Variants in STPG2 observed in about 807,000 individuals in gnomAD.
STPG2 encodes sperm tail PG-rich repeat containing 2.
A neutral mutation model predicts 54.2 loss-of-function variants in STPG2; 56 were observed. The ratio of observed to expected loss-of-function variants is 1.03; its 90% CI spans 0.83 to 1.29. The LOEUF is 1.29. Among genes scored for constraint, STPG2 ranks in the 50% most tolerant of loss-of-function variants. The probability of loss-of-function intolerance (pLI) is 0.00; values close to 1 mark genes in which losing one functional copy is unlikely to be tolerated. For missense variants in STPG2, 596 were observed against 544.9 expected (o/e 1.09, Z -0.93); for synonymous variants, 200 against 181.8 (o/e 1.10, Z -0.81).
intron 6 of STPG2, among the ~76,000 whole-genome samples, chr4:97,980,615 T>C (rs181180451): frequency 2.6e-5 from 4 of 152,288 alleles, no homozygotes; most frequent in Non-Finnish European, 4.4e-5. Context: ...CTTCTAGCCA[T>C]CCCACAAAAT....
chr4:97,803,470 G>T (rs1279844986), intron 9 of STPG2, among the ~76,000 whole-genome samples: 1 of 152,148 alleles, frequency 6.6e-6, no homozygotes, highest in African/African-American at 2.4e-5. Flanking sequence ...GGAGGTGGGG[G>T]AGGATCTATT....
At chr4:97,467,456 G>A (rs1729814741) in intron 4 of STPG2, among the ~76,000 whole-genome samples, 1 of 151,682 alleles carries the variant, frequency 6.6e-6, no homozygotes, top group South Asian at 2.1e-4. Flanking sequence ...ATAACCAGAG[G>A]ATGATTCGCC....
downstream of STPG2, among the ~76,000 whole-genome samples, chr4:97,556,196 T>C (rs1296047660): frequency 6.6e-6 from 1 of 152,116 alleles, no homozygotes; most frequent in African/African-American, 2.4e-5. Context: ...TGCATAAATA[T>C]TAGACAAAGC....
chr4:97,591,685 C>T (rs1333685649), intron 10 of STPG2, among the ~76,000 whole-genome samples: 3 of 152,154 alleles, frequency 2.0e-5, no homozygotes, highest in African/African-American at 7.2e-5. Context: ...TGGTTCACTG[C>T]AACCAAATTG....
At chr4:97,740,046 A>T (rs538764781) in intron 9 of STPG2, among the ~76,000 whole-genome samples, 1 of 152,074 alleles carries the variant, frequency 6.6e-6, no homozygotes, top group African/African-American at 2.4e-5. Context: ...CTGGGATGCA[A>T]GGCTGGTTCA....
At chr4:97,748,421 A>G (rs1725484828) in intron 9 of STPG2, among the ~76,000 whole-genome samples, 1 of 151,586 alleles carries the variant, frequency 6.6e-6, no homozygotes, top group African/African-American at 2.4e-5. Context: ...AAGAAAATTG[A>G]ATAGCTCACT....
At chr4:97,984,488 C>T (rs927984356) in intron 5 of STPG2, among the ~76,000 whole-genome samples, 1 of 152,148 alleles carries the variant, frequency 6.6e-6, no homozygotes, top group African/African-American at 2.4e-5. Context: ...CCTCCAATTC[C>T]AGCCCCCATC....
intron 8 of STPG2, among the ~76,000 whole-genome samples, chr4:97,862,687 G>A (rs563257374): frequency 5.5e-4 from 84 of 152,070 alleles, no homozygotes; most frequent in Admixed American, 3.1e-3. Flanking sequence ...ATTCACCACG[G>A]AGTTGGAAGT....
At chr4:97,729,366 T>C (rs1024382117) in intron 9 of STPG2, among the ~76,000 whole-genome samples, 3 of 152,140 alleles carry the variant, frequency 2.0e-5, no homozygotes, top group Admixed American at 6.6e-5. Context: ...ATAAAAGCAA[T>C]AGCAAAAACC....
chr4:97,521,404 CAG>C (rs1452205159), intron 4 of STPG2, among the ~76,000 whole-genome samples: 1 of 151,956 alleles, frequency 6.6e-6, no homozygotes, highest in Admixed American at 6.6e-5. Flanking sequence ...TAGTTAGAGA[CAG>C]AGCTAGGATA....
At chr4:97,557,150 C>T (rs1298617057), downstream of STPG2, among the ~76,000 whole-genome samples, 1 of 151,828 alleles carries the variant, frequency 6.6e-6, no homozygotes, top group African/African-American at 2.4e-5. Flanking sequence ...CATTGCACTC[C>T]AGCCTGGTGA....
At chr4:98,125,860 G>C (rs1739815575) in intron 3 of STPG2, among the ~76,000 whole-genome samples, 1 of 152,180 alleles carries the variant, frequency 6.6e-6, no homozygotes, top group South Asian at 2.1e-4. Context: ...ATAAACCCCT[G>C]GCTGGAGTTG....
At chr4:97,707,122 T>C (rs1403375767) in intron 10 of STPG2, among the ~76,000 whole-genome samples, 1 of 152,096 alleles carries the variant, frequency 6.6e-6, no homozygotes, top group African/African-American at 2.4e-5. Flanking sequence ...CAGTTCAGCA[T>C]CAGGAGGAGA....
chr4:97,906,646 C>T (rs77655521), intron 8 of STPG2, among the ~76,000 whole-genome samples: 56,550 of 151,628 alleles, frequency 0.37, 10,606 homozygotes, highest in Middle Eastern at 0.46. Context: ...AATCCAGCAG[C>T]ACATCAAAAA....
chr4:97,883,616 A>G (rs1578653279), intron 8 of STPG2, among the ~76,000 whole-genome samples: 1 of 152,140 alleles, frequency 6.6e-6, no homozygotes, highest in African/African-American at 2.4e-5. Context: ...AGAGATAAAG[A>G]ATGCACCCTA....
intron 9 of STPG2, among the ~76,000 whole-genome samples, chr4:97,832,438 C>G (rs1301833228): frequency 6.6e-6 from 1 of 152,158 alleles, no homozygotes; most frequent in Non-Finnish European, 1.5e-5. Flanking sequence ...TGGAAGCATT[C>G]CCTTTGAAAA....
chr4:97,913,166 A>C (rs924980828), intron 8 of STPG2, among the ~76,000 whole-genome samples: 4 of 152,226 alleles, frequency 2.6e-5, no homozygotes, highest in Non-Finnish European at 5.9e-5. Context: ...GAAACAGGCA[A>C]TGAAGGAGAA....
intron 8 of STPG2, among the ~76,000 whole-genome samples, chr4:97,875,588 G>A (rs1730145291): frequency 6.6e-6 from 1 of 151,836 alleles, no homozygotes; most frequent in Non-Finnish European, 1.5e-5. Context: ...TTCTTCCAGA[G>A]GAAAAATTAT....
intron 9 of STPG2, among the ~76,000 whole-genome samples, chr4:97,797,893 A>G (rs1727253541): frequency 6.6e-6 from 1 of 152,140 alleles, no homozygotes; most frequent in African/African-American, 2.4e-5. Flanking sequence ...AAGGAATTCA[A>G]CTTCTTCCTG....
Sources: allele counts gnomAD v4.1 joint callset (sites outside exome capture counted in the v4.1 genomes callset), GRCh38; gene constraint gnomAD v4.1.1; transcripts MANE v1.5; gene names NCBI Gene and HGNC (gene_info 2026-07-23, HGNC 2026-07-21).